Variants in SEMA3A observed in about 807,000 individuals in gnomAD.
SEMA3A encodes semaphorin-3A.
In SEMA3A, 29 loss-of-function variants were observed where a neutral mutation model predicts 97.9. That is an observed-to-expected ratio of 0.30 (90% CI 0.22 to 0.40). The LOEUF (loss-of-function observed/expected upper bound fraction) is 0.40. Ranked by LOEUF, SEMA3A falls within the 10% of genes least tolerant of loss-of-function variation. The pLI, the probability that SEMA3A is intolerant of heterozygous loss-of-function variation, is 1.00. For synonymous variants in SEMA3A, 321 were observed against 323.7 expected (o/e 0.99, Z 0.09); for missense variants, 763 against 951.3 (o/e 0.80, Z 2.60).
chr7:84,456,477 C>A (rs1390062245), intron 1 of SEMA3A, among the ~76,000 whole-genome samples: 1 of 151,786 alleles, frequency 6.6e-6, no homozygotes, highest in Non-Finnish European at 1.5e-5. Context: ...AACCATTTAA[C>A]TTTGAATGGG....
intron 2 of SEMA3A, among the ~76,000 whole-genome samples, chr7:84,327,249 A>G (rs969287291): frequency 1.3e-5 from 2 of 151,958 alleles, no homozygotes; most frequent in African/African-American, 4.8e-5. Flanking sequence ...TTTACATAAA[A>G]TAACTTAATT....
intron 3 of SEMA3A, among the ~76,000 whole-genome samples, chr7:84,126,693 A>G (rs1480434227): frequency 1.3e-5 from 2 of 152,156 alleles, no homozygotes; most frequent in African/African-American, 2.4e-5. Flanking sequence ...TAGCTTTTTG[A>G]CGTTAATAGA....
At position 84,429,519 on chromosome 7, in the gene SEMA3A, TATATATA is replaced by T. The variant is rs1562945077; in HGVS notation, c.-245-57626_-245-57620del. Among the ~76,000 whole-genome samples, 94 of 91,398 alleles carry T rather than the reference TATATATA, an allele frequency of 1.0e-3. 6 individuals are homozygous for T. The highest frequency in any genetic ancestry group is 3.4e-3 in the African/African-American group (86 of 24,984). The allele number at this position is 91,398 out of a possible 152,430, so 60.0% of individuals were successfully genotyped here. On this transcript the variant is annotated intron_variant, in intron 1 of 3. Coordinates refer to the SEMA3A transcript ENST00000424555. The stretch of plus-strand genomic sequence containing the variant: ...CATTAGTAAAATATAGAGTTTGTTA[TATATATA>T]TATATATATATATATATATATAGCG...
intron 4 of SEMA3A, among the ~76,000 whole-genome samples, chr7:84,086,434 T>C (rs904081024): frequency 7.0e-6 from 1 of 143,076 alleles, no homozygotes; most frequent in Admixed American, 7.2e-5. Flanking sequence ...TCATATTATA[T>C]TTATATTTTA....
chr7:84,423,690 T>C (rs1804664326), intron 1 of SEMA3A, among the ~76,000 whole-genome samples: 1 of 152,038 alleles, frequency 6.6e-6, no homozygotes, highest in African/African-American at 2.4e-5. Context: ...AGAGCAAACA[T>C]TTTACCTGTT....
In SEMA3A at chr7:83,991,578, CAT is replaced by C. The variant is rs899788586; in HGVS notation, c.1453-6103_1453-6102del. Among the ~76,000 whole-genome samples, 94 of 152,058 alleles carry C rather than the reference CAT, an allele frequency of 6.2e-4. 2 individuals carry two copies. Among genetic ancestry groups the C allele is most frequent in the Non-Finnish European group, 8.2e-4 (56 of 68,022 alleles). ...CTTTTTCTGCATCTATTGCGATAAT[CAT>C]GTGGTTTTTGCCTTTGGCTCTCTTT... is the stretch of plus-strand genomic sequence containing the variant. On this transcript the variant is annotated intron_variant, in intron 12 of 16. Transcript: ENST00000265362.
At chr7:84,260,115 G>T (rs1416833208) in intron 3 of SEMA3A, among the ~76,000 whole-genome samples, 1 of 152,098 alleles carries the variant, frequency 6.6e-6, no homozygotes, top group Non-Finnish European at 1.5e-5. Context: ...ACAAGTAAAT[G>T]AATAAATGAG....
At chr7:84,483,380 C>T (rs368955643) in intron 1 of SEMA3A, among the ~76,000 whole-genome samples, 3 of 152,226 alleles carry the variant, frequency 2.0e-5, no homozygotes, top group African/African-American at 7.2e-5. Context: ...GATAGTAACC[C>T]TAATGTTGGG....
At chr7:84,174,735 A>C (rs1797507504) in intron 1 of SEMA3A, among the ~76,000 whole-genome samples, 1 of 152,162 alleles carries the variant, frequency 6.6e-6, no homozygotes, top group African/African-American at 2.4e-5. Flanking sequence ...TGAAGATATA[A>C]ATTATAATTA....
At chr7:84,014,168 G>A in intron 7 of SEMA3A, 41 bp downstream of exon 7, 1 of 1,568,680 alleles carries the variant, frequency 6.4e-7, no homozygotes, top group Non-Finnish European at 8.6e-7. Context: ...AGCTGTTATG[G>A]GAAAATGACA....
At chr7:84,379,128 C>T (rs1032802142) in intron 1 of SEMA3A, among the ~76,000 whole-genome samples, 7 of 151,960 alleles carry the variant, frequency 4.6e-5, no homozygotes, top group South Asian at 4.1e-4. Context: ...AGGGTTTCAC[C>T]GTGTTAGCCA....
At chr7:84,180,798 ACTGT>A (rs1343689064) in intron 1 of SEMA3A, among the ~76,000 whole-genome samples, 1 of 152,128 alleles carries the variant, frequency 6.6e-6, no homozygotes, top group Non-Finnish European at 1.5e-5. Context: ...CTGCACAAAG[ACTGT>A]CTTTTATTTT....
At chr7:84,349,165 T>C (rs571190085) in intron 2 of SEMA3A, among the ~76,000 whole-genome samples, 1 of 152,272 alleles carries the variant, frequency 6.6e-6, no homozygotes, top group East Asian at 1.9e-4. Context: ...ATCTATTCAT[T>C]TTTTGTCTGA....
intron 14 of SEMA3A, among the ~76,000 whole-genome samples, chr7:83,980,618 A>ACAAAACAAAC (rs57547797): frequency 4.9e-4 from 40 of 82,228 alleles, no homozygotes; most frequent in African/African-American, 1.8e-3. Context: ...AAAAAAAAAA[A>ACAAAACAAAC]AAAAAATATA....
intron 2 of SEMA3A, among the ~76,000 whole-genome samples, chr7:84,341,973 C>T (rs1802182969): frequency 6.6e-6 from 1 of 152,186 alleles, no homozygotes; most frequent in African/African-American, 2.4e-5. Context: ...TCATTCTTCA[C>T]ATGTCATCTC....
intron 1 of SEMA3A, among the ~76,000 whole-genome samples, chr7:84,149,270 A>C (rs188512347): frequency 1.3e-5 from 2 of 152,358 alleles, no homozygotes; most frequent in Non-Finnish European, 2.9e-5. Context: ...AAATGAGAAA[A>C]GATTAAATTC....
chr7:84,422,137 G>A (rs2527522), intron 1 of SEMA3A, among the ~76,000 whole-genome samples: 21,370 of 151,790 alleles, frequency 0.14, 3,101 homozygotes, highest in African/African-American at 0.36. Context: ...CTGTGAATCC[G>A]TCTGGTCCTG....
intron 15 of SEMA3A, among the ~76,000 whole-genome samples, chr7:83,972,902 T>G (rs12216639): frequency 0.36 from 55,453 of 151,926 alleles, 10,552 homozygotes; most frequent in Middle Eastern, 0.48. Flanking sequence ...AGTGTCATGA[T>G]GACTATCTCC....
chr7:84,072,362 G>T (rs2115758069), intron 4 of SEMA3A, among the ~76,000 whole-genome samples: 1 of 152,068 alleles, frequency 6.6e-6, no homozygotes, highest in African/African-American at 2.4e-5. Flanking sequence ...TCTGATTAAT[G>T]TAATGTCTCT....
Sources: allele counts gnomAD v4.1 joint callset (sites outside exome capture counted in the v4.1 genomes callset), GRCh38; gene constraint gnomAD v4.1.1; transcripts MANE v1.5; gene names NCBI Gene and HGNC (gene_info 2026-07-23, HGNC 2026-07-21).